SFMBT2: variants seen among roughly 807,000 people sequenced by gnomAD.
SFMBT2 encodes scm-like with four MBT domains protein 2.
SFMBT2 carries 38 observed loss-of-function variants against 110.1 expected under a neutral mutation model. That is an observed-to-expected ratio of 0.35 (90% CI 0.27 to 0.45). The LOEUF is 0.45. Ranked by LOEUF, SFMBT2 falls within the 20% of genes least tolerant of loss-of-function variation. The pLI is 1.00. For missense variants in SFMBT2, 1,011 were observed against 1,094.9 expected (o/e 0.92, Z 1.08); for synonymous variants, 425 against 425.4 (o/e 1.00, Z 0.01).
At chr10:7,234,155 T>C (rs1840188934) in intron 9 of SFMBT2, among the ~76,000 whole-genome samples, 1 of 152,208 alleles carries the variant, frequency 6.6e-6, no homozygotes, top group Non-Finnish European at 1.5e-5. Context: ...AGTGACACTT[T>C]CATTCATTCC....
intron 4 of SFMBT2, among the ~76,000 whole-genome samples, chr10:7,365,560 A>G (rs1475466161): frequency 6.6e-6 from 1 of 152,236 alleles, no homozygotes; most frequent in Non-Finnish European, 1.5e-5. Context: ...ACCCAAGTGG[A>G]AGAACAGCTG....
intron 4 of SFMBT2, among the ~76,000 whole-genome samples, chr10:7,300,959 G>A (rs987818442): frequency 6.6e-6 from 1 of 152,128 alleles, no homozygotes; most frequent in Non-Finnish European, 1.5e-5. Flanking sequence ...CCTTTGTGTC[G>A]TACAAAAGTC....
At chr10:7,395,745 C>T (rs1845907259) in intron 1 of SFMBT2, among the ~76,000 whole-genome samples, 1 of 149,458 alleles carries the variant, frequency 6.7e-6, no homozygotes. Context: ...CATTTTCATC[C>T]TATCCTGTTT....
chr10:7,350,281 C>A (rs959225447), intron 4 of SFMBT2, among the ~76,000 whole-genome samples: 2 of 152,002 alleles, frequency 1.3e-5, no homozygotes, highest in African/African-American at 4.8e-5. Flanking sequence ...GTCCCAATCA[C>A]GAGGTCTGGG....
rs1047875522 is a variant in SFMBT2 at position 7,370,415 on chromosome 10, G to A, written c.101-40C>T. 1.9e-6 allele frequency: 3 copies of A among 1,544,832 alleles called. No homozygotes were observed. In the Admixed American group the frequency reaches 5.0e-5, roughly 26 times the overall value. ...AAGAACAGAATATCAATACTGGAGT[G>A]GAGGACAGAAAGGTGCTGGCCTGCA... is the stretch of plus-strand genomic sequence containing the variant. On this transcript the variant is annotated intron_variant, in intron 2 of 20. Coordinates refer to ENST00000397167, the MANE Select transcript of SFMBT2 (RefSeq NM_001387889.1).
chr10:7,370,706 G>T, intron 2 of SFMBT2: 1 of 330,816 alleles, frequency 3.0e-6, no homozygotes, highest in Non-Finnish European at 4.3e-6. Context: ...AGACATCCCA[G>T]CCTGCAGGGA....
chr10:7,391,797 T>C (rs1845773082), intron 1 of SFMBT2, among the ~76,000 whole-genome samples: 1 of 152,212 alleles, frequency 6.6e-6, no homozygotes, highest in South Asian at 2.1e-4. Context: ...GTTGTTGTTG[T>C]TTAGTTCACA....
At chr10:7,340,339 G>C (rs528280867) in intron 4 of SFMBT2, among the ~76,000 whole-genome samples, 40 of 152,052 alleles carry the variant, frequency 2.6e-4, no homozygotes, top group Non-Finnish European at 4.6e-4. Context: ...GGGTGGCAGA[G>C]GCAAAGAAAA....
At chr10:7,267,031 TACAA>T (rs1309668591) in intron 7 of SFMBT2, among the ~76,000 whole-genome samples, 1 of 152,232 alleles carries the variant, frequency 6.6e-6, no homozygotes, top group Non-Finnish European at 1.5e-5. Flanking sequence ...AAACTGTGTG[TACAA>T]ACAATCTGGT....
At chr10:7,253,461 T>C (rs1840881312) in intron 7 of SFMBT2, among the ~76,000 whole-genome samples, 1 of 152,090 alleles carries the variant, frequency 6.6e-6, no homozygotes, top group Admixed American at 6.5e-5. Flanking sequence ...GTCCAGAGAG[T>C]TGAAGAACTG....
intron 1 of SFMBT2, among the ~76,000 whole-genome samples, chr10:7,402,644 C>G (rs1159911654): frequency 4.6e-5 from 7 of 152,144 alleles, no homozygotes. Context: ...CAATATAGAG[C>G]AAGAGCCTTT....
intron 14 of SFMBT2, chr10:7,197,976 G>C (rs544342657): frequency 1.0e-6 from 1 of 983,514 alleles, no homozygotes; most frequent in Non-Finnish European, 1.2e-6. Context: ...AGAAAGAGGC[G>C]CTGTGTCCTA....
At chr10:7,357,375 T>C (rs1031253326) in intron 4 of SFMBT2, among the ~76,000 whole-genome samples, 15 of 152,124 alleles carry the variant, frequency 9.9e-5, no homozygotes, top group African/African-American at 3.6e-4. Context: ...CTCTTGCTTG[T>C]GGGTGGGCCT....
chr10:7,386,327 G>A (rs182654727), intron 1 of SFMBT2, among the ~76,000 whole-genome samples: 6 of 152,262 alleles, frequency 3.9e-5, no homozygotes, highest in East Asian at 1.9e-4. Flanking sequence ...AAAATTCTGC[G>A]TATGTGGGCC....
At position 7,162,919 on chromosome 10, in the gene SFMBT2, A is replaced by G. The variant is rs1837585858; in HGVS notation, c.*851T>C. On this transcript the variant is annotated 3_prime_UTR_variant, in exon 21 of 21. Coordinates refer to ENST00000397167, the MANE Select transcript of SFMBT2 (RefSeq NM_001387889.1). ...GGAGTTCAAGACTAGCCTGACCAAC[A>G]TGGTGAAACCCTGTCTCTACCAAAA... 6.6e-6 allele frequency: 1 copy of G among 152,536 alleles called. No homozygotes were observed. The highest frequency in any genetic ancestry group is 6.5e-5 in the Admixed American group (1 of 15,294). The allele number at this position is 152,536 out of a possible 1,614,324, so 9.4% of individuals were successfully genotyped here. A position where few individuals can be genotyped will look rare whatever the true frequency, so the allele number is the denominator to read the frequency against.
chr10:7,205,694 G>A (rs1370963959), intron 12 of SFMBT2, 121 bp downstream of exon 12: 6 of 1,421,116 alleles, frequency 4.2e-6, no homozygotes, highest in Non-Finnish European at 4.6e-6. Context: ...TGGGTTCTTG[G>A]TGGAAAATCA....
intron 4 of SFMBT2, among the ~76,000 whole-genome samples, chr10:7,312,619 C>T (rs1367934818): frequency 2.0e-5 from 3 of 152,152 alleles, no homozygotes; most frequent in Non-Finnish European, 4.4e-5. Flanking sequence ...CATAAACATC[C>T]AGCAATAATC....
chr10:7,183,452 A>C (rs1489441469), intron 16 of SFMBT2, among the ~76,000 whole-genome samples: 3 of 152,362 alleles, frequency 2.0e-5, no homozygotes, highest in Non-Finnish European at 4.4e-5. Flanking sequence ...TTGTCAGCGC[A>C]GGACACTGAG....
intron 15 of SFMBT2, among the ~76,000 whole-genome samples, chr10:7,196,211 C>G (rs1214983277): frequency 6.6e-6 from 1 of 152,174 alleles, no homozygotes; most frequent in African/African-American, 2.4e-5. Flanking sequence ...CTTTCACAAG[C>G]AGGCCCCATC....
Sources: gnomAD v4.1 joint callset for allele counts (sites outside exome capture counted in the v4.1 genomes callset) on GRCh38, gnomAD v4.1.1 for gene constraint, MANE v1.5 for transcripts, NCBI Gene and HGNC (gene_info 2026-07-23, HGNC 2026-07-21) for gene names.